PBX1: variants seen among roughly 807,000 people sequenced by gnomAD.
PBX1 encodes the protein PBX homeobox 1.
A neutral mutation model predicts 53.4 loss-of-function variants in PBX1; 6 were observed. That is an observed-to-expected ratio of 0.11 (90% CI 0.06 to 0.22). PBX1 has a LOEUF of 0.22. Among genes scored for constraint, PBX1 ranks in the 10% least tolerant of loss-of-function variants. PBX1 has a pLI of 1.00. For synonymous variants in PBX1, 204 were observed against 212.3 expected, an observed-to-expected ratio of 0.96 and a Z score of 0.34; for missense variants, 251 against 551.4, an observed-to-expected ratio of 0.46 and a Z score of 5.46.
intron 2 of PBX1, among the ~76,000 whole-genome samples, chr1:164,599,356 C>G (rs1436721504): frequency 2.0e-5 from 3 of 152,020 alleles, no homozygotes; most frequent in Non-Finnish European, 4.4e-5. Context: ...ACTGCTCAGC[C>G]ACACCCCCCT....
chr1:164,700,059 G>A (rs1284815131), intron 2 of PBX1, among the ~76,000 whole-genome samples: 1 of 152,152 alleles, frequency 6.6e-6, no homozygotes, highest in Non-Finnish European at 1.5e-5. Context: ...GTAATGTGGC[G>A]GGAGGTAATG....
intron 2 of PBX1, among the ~76,000 whole-genome samples, chr1:164,662,951 A>G (rs1424889271): frequency 6.6e-6 from 1 of 152,150 alleles, no homozygotes; most frequent in Non-Finnish European, 1.5e-5. Context: ...GAGGGTTATT[A>G]TAAAGAACTA....
intron 2 of PBX1, among the ~76,000 whole-genome samples, chr1:164,660,772 A>T (rs1270220734): frequency 2.8e-4 from 42 of 152,166 alleles, no homozygotes; most frequent in Admixed American, 2.5e-3. Context: ...GATTTTTTTT[A>T]AAGTATATTA....
chr1:164,858,732 G>T (rs972782155), intron 2 of PBX1, among the ~76,000 whole-genome samples: 4 of 152,210 alleles, frequency 2.6e-5, no homozygotes, highest in African/African-American at 9.6e-5. Flanking sequence ...ATTCAGGCCT[G>T]CTAGACATCC....
At chr1:164,761,011 C>T (rs149715845) in intron 2 of PBX1, among the ~76,000 whole-genome samples, 1 of 152,240 alleles carries the variant, frequency 6.6e-6, no homozygotes, top group Non-Finnish European at 1.5e-5. Context: ...TATAAGCAAC[C>T]TCTGTCTGCC....
At chr1:164,642,853 T>C (rs1158560865) in intron 2 of PBX1, 1 of 152,164 alleles carries the variant, frequency 6.6e-6, no homozygotes, top group African/African-American at 2.4e-5. Flanking sequence ...TTTTATTCTT[T>C]TACCCAGCCC....
chr1:164,817,678 A>AT (rs1166797250), intron 6 of PBX1: 1 of 152,232 alleles, frequency 6.6e-6, no homozygotes, highest in African/African-American at 2.4e-5. Context: ...ATGCACATGT[A>AT]TTTTTTAAAT....
chr1:164,592,975 T>C (rs1359249658), intron 2 of PBX1, among the ~76,000 whole-genome samples: 1 of 151,966 alleles, frequency 6.6e-6, no homozygotes, highest in East Asian at 1.9e-4. Flanking sequence ...TTTTTTAATT[T>C]GAGACAGAGT....
chr1:164,866,339 T>G (rs1046557546), intron 2 of PBX1, among the ~76,000 whole-genome samples: 2 of 152,214 alleles, frequency 1.3e-5, no homozygotes, highest in Non-Finnish European at 2.9e-5. Flanking sequence ...CAGAAGAGGC[T>G]GTGGTCCCAG....
chr1:164,835,998 G>C (rs570188609), intron 8 of PBX1, among the ~76,000 whole-genome samples: 2 of 152,156 alleles, frequency 1.3e-5, no homozygotes, highest in East Asian at 3.9e-4. Flanking sequence ...GGAAAGTTTA[G>C]GGGGAGATCT....
intron 2 of PBX1, among the ~76,000 whole-genome samples, chr1:164,571,873 G>GTATATATATATA (rs59338120): frequency 2.3e-4 from 7 of 29,898 alleles, no homozygotes; most frequent in African/African-American, 3.9e-4. Context: ...TCTGTACATT[G>GTATATATATATA]TATATATATA....
chr1:164,814,296 T>G (rs1192252558), intron 6 of PBX1: 1 of 152,244 alleles, frequency 6.6e-6, no homozygotes, highest in African/African-American at 2.4e-5. Context: ...TGAAATAAAT[T>G]TTAAATAAGA....
chr1:164,790,184 T>C (rs756374783), intron 2 of PBX1, among the ~76,000 whole-genome samples: 1 of 152,156 alleles, frequency 6.6e-6, no homozygotes, highest in East Asian at 1.9e-4. Context: ...AAGGAAACCT[T>C]TGTTAGTGGC....
intron 2 of PBX1, among the ~76,000 whole-genome samples, chr1:164,664,582 C>T (rs1023132950): frequency 1.3e-5 from 2 of 152,180 alleles, no homozygotes; most frequent in African/African-American, 4.8e-5. Context: ...CAAGTCCTGG[C>T]ATCATTCTGC....
At chr1:164,868,096 G>A (rs920476884) in intron 2 of PBX1, among the ~76,000 whole-genome samples, 4 of 152,162 alleles carry the variant, frequency 2.6e-5, no homozygotes, top group South Asian at 4.1e-4. Context: ...AAGAGAATAC[G>A]GAGAAAGAGA....
At chr1:164,774,911 G>A (rs1369289342) in intron 2 of PBX1, among the ~76,000 whole-genome samples, 1 of 152,206 alleles carries the variant, frequency 6.6e-6, no homozygotes, top group Non-Finnish European at 1.5e-5. Flanking sequence ...ACACTTCACG[G>A]CTGTAATTCA....
intron 5 of PBX1, among the ~76,000 whole-genome samples, chr1:164,809,006 AC>A (rs1669482900): frequency 6.6e-6 from 1 of 151,820 alleles, no homozygotes; most frequent in Admixed American, 6.6e-5. Context: ...CCAAATCTAA[AC>A]CCCTTTTCCA....
At chr1:164,674,972 T>C (rs558394265) in intron 2 of PBX1, among the ~76,000 whole-genome samples, 26 of 151,770 alleles carry the variant, frequency 1.7e-4, no homozygotes, top group African/African-American at 5.8e-4. Flanking sequence ...CCAAATACTT[T>C]CATTGATACT....
At chr1:164,647,731 G>T (rs1419609143) in intron 2 of PBX1, among the ~76,000 whole-genome samples, 1 of 151,934 alleles carries the variant, frequency 6.6e-6, no homozygotes, top group Admixed American at 6.6e-5. Context: ...AATATTACTG[G>T]TGCCTGGGAT....
Sources: gnomAD v4.1 joint callset for allele counts (sites outside exome capture counted in the v4.1 genomes callset) on GRCh38, gnomAD v4.1.1 for gene constraint, MANE v1.5 for transcripts, NCBI Gene and HGNC (gene_info 2026-07-23, HGNC 2026-07-21) for gene names.